Variants in MOK observed in about 807,000 individuals in gnomAD.
MOK encodes MAPK/MAK/MRK overlapping kinase.
A neutral mutation model predicts 54.2 loss-of-function variants in MOK; 59 were observed. The observed-to-expected ratio is 1.09, with a 90% CI of 0.88 to 1.35. The LOEUF is 1.35. Ranked by LOEUF, MOK falls within the 40% of genes most tolerant of loss-of-function variation. The pLI, the probability that MOK is intolerant of heterozygous loss-of-function variation, is 0.00. For missense variants in MOK, 517 were observed against 526.2 expected (o/e 0.98, Z 0.17); for synonymous variants, 210 against 202.7 (o/e 1.04, Z -0.31).
At chr14:102,299,742 T>A (rs1028907637) in intron 1 of MOK, among the ~76,000 whole-genome samples, 1 of 152,030 alleles carries the variant, frequency 6.6e-6, no homozygotes, top group Non-Finnish European at 1.5e-5. Flanking sequence ...TGCACTGCCA[T>A]GCTTGGCCAA....
intron 1 of MOK, among the ~76,000 whole-genome samples, chr14:102,298,720 G>A (rs572497113): frequency 1.2e-4 from 19 of 152,168 alleles, no homozygotes; most frequent in Admixed American, 8.5e-4. Context: ...ACATGCTCCA[G>A]TCCCCTTCCA....
chr14:102,296,480 A>G (rs139838126), intron 1 of MOK, among the ~76,000 whole-genome samples: 103 of 152,310 alleles, frequency 6.8e-4, no homozygotes, highest in African/African-American at 2.3e-3. Flanking sequence ...CATCTAAGAC[A>G]ATGTTAACCA....
intron 3 of MOK, 58 bp downstream of exon 3, chr14:102,265,765 T>C: frequency 7.0e-7 from 1 of 1,423,912 alleles, no homozygotes; most frequent in Non-Finnish European, 9.9e-7. Context: ...TTTTCTTTCT[T>C]AAAAAGAGAT....
chr14:102,290,253 A>G (rs1288323519), intron 1 of MOK, among the ~76,000 whole-genome samples: 1 of 151,990 alleles, frequency 6.6e-6, no homozygotes, highest in Non-Finnish European at 1.5e-5. Context: ...CAGCCTGACC[A>G]ACATGGAAAA....
intron 1 of MOK, among the ~76,000 whole-genome samples, chr14:102,303,958 T>C (rs79697497): frequency 1.3e-3 from 203 of 152,354 alleles, no homozygotes; most frequent in African/African-American, 4.7e-3. Flanking sequence ...ATATGTGCAG[T>C]ATCATAGTCT....
At chr14:102,260,848 G>T (rs953894471) in intron 4 of MOK, among the ~76,000 whole-genome samples, 1 of 152,210 alleles carries the variant, frequency 6.6e-6, no homozygotes, top group African/African-American at 2.4e-5. Flanking sequence ...AAGGCTGGGC[G>T]CAGTGGCTCA....
At chr14:102,278,534 C>T (rs1413009318) in intron 2 of MOK, 4 of 399,274 alleles carry the variant, frequency 1.0e-5, no homozygotes, top group Admixed American at 8.2e-5. Flanking sequence ...CACATGTAGA[C>T]CTGACGTTGG....
At chr14:102,261,694 C>T (rs534719810) in intron 4 of MOK, among the ~76,000 whole-genome samples, 3 of 151,316 alleles carry the variant, frequency 2.0e-5, no homozygotes, top group South Asian at 2.1e-4. Context: ...CCACCACGCC[C>T]GGCTAATTTG....
chr14:102,233,868 G>A (rs910604098), intron 7 of MOK, 79 bp from the exon 8 acceptor site: 91 of 1,027,798 alleles, frequency 8.9e-5, no homozygotes, highest in Middle Eastern at 2.1e-4. Context: ...CATCTGGACC[G>A]CACAAGGGGA....
downstream of MOK, chr14:102,226,223 T>C: frequency 1.6e-6 from 1 of 638,604 alleles, no homozygotes; most frequent in Non-Finnish European, 2.8e-6. This position sits in a 1 kb window ranked among gnomAD's most constrained non-coding sequence, Gnocchi z 4.8. Context: ...TGGGCTCCCC[T>C]GTGCTTCTGC....
chr14:102,293,523 A>G (rs1421264285), intron 1 of MOK, among the ~76,000 whole-genome samples: 1 of 151,792 alleles, frequency 6.6e-6, no homozygotes, highest in East Asian at 1.9e-4. Flanking sequence ...ACATGGAGAA[A>G]CCCTGTCTCT....
chr14:102,223,048 C>T (rs995298052), downstream of MOK: 2 of 665,130 alleles, frequency 3.0e-6, no homozygotes, highest in Admixed American at 6.2e-5. Flanking sequence ...CGCCGTGCTC[C>T]CGCTGCTCAC....
At position 102,229,475 on chromosome 14, in the gene MOK, G is replaced by A. The variant is rs143137823; in HGVS notation, c.1164C>T (p.Cys388=). Residue 388 remains cysteine (C), a synonymous_variant, in exon 11 of 12, where the codon TGC becomes TGT. Transcript: ENST00000361847. ...GCGCTACCTTCTTGCTCGCAGGGAT[G>A]CACTTCAAGGGTCTCAGCACCGGCA... ...GRVPVLRPLK[C]IPASKKTDPQ... 148 of 1,614,078 alleles carry A rather than the reference G, an allele frequency of 9.2e-5. No homozygotes were observed. Among genetic ancestry groups the A allele is most frequent in the Non-Finnish European group, 1.2e-4 (142 of 1,180,058 alleles).
chr14:102,281,981 G>A (rs2069490325), intron 2 of MOK, among the ~76,000 whole-genome samples: 2 of 152,336 alleles, frequency 1.3e-5, no homozygotes, highest in South Asian at 4.1e-4. Flanking sequence ...TGCCTTAGCA[G>A]AATCTGGGTT....
intron 2 of MOK, among the ~76,000 whole-genome samples, chr14:102,267,094 T>C (rs1374400524): frequency 6.6e-6 from 1 of 152,260 alleles, no homozygotes; most frequent in Non-Finnish European, 1.5e-5. Flanking sequence ...TCACACCTAA[T>C]TGAATAATTC....
rs1169031153 is a variant in MOK, at chr14:102,277,039, G to GA, written c.122+6438dup. 8.5e-5 allele frequency among the ~76,000 whole-genome samples: 12 copies of GA among 141,676 alleles called. No homozygotes were observed. The East Asian group carries it at 1.6e-3, about 19-fold the overall frequency. 92.9% of individuals were successfully genotyped at this position (141,676 alleles called of 152,430 possible). A position where few individuals can be genotyped will look rare whatever the true frequency, so the allele number is the denominator to read the frequency against. ...TTTTTTTTTTTTTTTTTTTGTAGAGGAAAAAAAAAGATACTAAAAGTCTTT... is the reference window on the plus strand; with the variant it reads ...TTTTTTTTTTTTTTTTTTTGTAGAGGAAAAAAAAAAGATACTAAAAGTCTTT... On this transcript the variant is annotated intron_variant, in intron 2 of 11. Coordinates refer to ENST00000361847, the MANE Select transcript of MOK (RefSeq NM_014226.3).
chr14:102,276,361 C>A (rs1036190442), intron 2 of MOK, among the ~76,000 whole-genome samples: 1 of 151,708 alleles, frequency 6.6e-6, no homozygotes, highest in Non-Finnish European at 1.5e-5. Context: ...TGGTGGCGGG[C>A]GCCTGTAGTC....
downstream of MOK, among the ~76,000 whole-genome samples, chr14:102,227,396 G>A (rs1344608514): frequency 3.5e-5 from 5 of 142,168 alleles, no homozygotes; most frequent in Non-Finnish European, 7.6e-5. Context: ...CTCTGCCCAC[G>A]GCCTTGACGT....
In MOK at chr14:102,272,824, C is replaced by T. The variant is rs763586171; in HGVS notation, c.123-6912G>A. On this transcript the variant is annotated intron_variant, in intron 2 of 11. Transcript: ENST00000361847. ...AATGTTGAAATGCTGAACACTTCCCCGCTACTTGCATTCAATATTGTACTG... is the reference window on the plus strand; with the variant it reads ...AATGTTGAAATGCTGAACACTTCCCTGCTACTTGCATTCAATATTGTACTG... Among the ~76,000 whole-genome samples, 4 of 152,230 alleles carry T rather than the reference C, an allele frequency of 2.6e-5. No individual in the cohort carries two copies. The South Asian group carries it at 6.2e-4, about 24-fold the overall frequency.
Sources: allele counts gnomAD v4.1 joint callset (sites outside exome capture counted in the v4.1 genomes callset), GRCh38; gene constraint gnomAD v4.1.1; non-coding constraint Gnocchi (gnomAD v3.1); transcripts MANE v1.5; gene names NCBI Gene and HGNC (gene_info 2026-07-23, HGNC 2026-07-21).